Variants in RBFOX3 observed in about 807,000 individuals in gnomAD.
The protein encoded by RBFOX3 is RNA binding fox-1 homolog 3.
In RBFOX3, 17 loss-of-function variants were observed where a neutral mutation model predicts 48.7. The ratio of observed to expected loss-of-function variants is 0.35; its 90% CI spans 0.24 to 0.52. The LOEUF (loss-of-function observed/expected upper bound fraction) is 0.52, where lower values mean the gene tolerates loss of function less well. Ranked by LOEUF, RBFOX3 falls within the 20% of genes least tolerant of loss-of-function variation. The pLI, the probability that RBFOX3 is intolerant of heterozygous loss-of-function variation, is 0.94. For missense variants in RBFOX3, 382 were observed against 497.5 expected (o/e 0.77, Z 2.21); for synonymous variants, 212 against 209.5 (o/e 1.01, Z -0.10).
rs555418769 is a variant in RBFOX3 at position 79,115,904 on chromosome 17, G to A, written c.-33-156C>T. 3.9e-5 allele frequency among the ~76,000 whole-genome samples: 6 copies of A among 152,228 alleles called. No homozygotes were observed. In the East Asian group the frequency reaches 1.2e-3, roughly 30 times the overall value. On this transcript the variant is annotated intron_variant, in intron 4 of 14. Transcript: ENST00000693108. ...GGGGGGCTCGCCGGCATGGGCACCA[G>A]CTCAGAGCAGGAGGGGGTGCTGCGC... is the stretch of plus-strand genomic sequence containing the variant.
At chr17:79,462,276 G>A (rs554087371) in intron 2 of RBFOX3, among the ~76,000 whole-genome samples, 1 of 152,346 alleles carries the variant, frequency 6.6e-6, no homozygotes, top group South Asian at 2.1e-4. Context: ...GCCTGAGCCT[G>A]ACTCCCAGCT....
At chr17:79,163,490 A>T (rs527540637) in intron 4 of RBFOX3, among the ~76,000 whole-genome samples, 1 of 152,364 alleles carries the variant, frequency 6.6e-6, no homozygotes, top group South Asian at 2.1e-4. Context: ...TGGTTTGCAG[A>T]GATCCTGTCA....
At chr17:79,120,922 T>C (rs1404873838) in intron 4 of RBFOX3, among the ~76,000 whole-genome samples, 2 of 151,830 alleles carry the variant, frequency 1.3e-5, no homozygotes, top group Non-Finnish European at 2.9e-5. Context: ...CTGAGGCAGA[T>C]AAACACAAAA....
At chr17:79,658,770 G>T in the RBFOX3 span, among the ~76,000 whole-genome samples, 1 of 152,116 alleles carries the variant, frequency 6.6e-6, no homozygotes, top group African/African-American at 2.4e-5. Flanking sequence ...CCTACTGTGT[G>T]CCAGGCACGT....
chr17:79,138,944 C>CTCA lies in RBFOX3; in HGVS notation c.-33-23197_-33-23196insTGA, dbSNP rs2041235425. Among the ~76,000 whole-genome samples, 4 of 54,144 alleles carry CTCA rather than the reference C, an allele frequency of 7.4e-5. 1 individual carries two copies. The highest frequency in any genetic ancestry group is 2.5e-4 in the African/African-American group (4 of 16,246). 35.5% of individuals were successfully genotyped at this position (54,144 alleles called of 152,430 possible). A position where few individuals can be genotyped will look rare whatever the true frequency, so the allele number is the denominator to read the frequency against. ...CGCACACAGCACATGCATTCACACCCCCCTCAGCCCCACACATGCACACAG... is the reference window on the plus strand; with the variant it reads ...CGCACACAGCACATGCATTCACACCCTCACCCTCAGCCCCACACATGCACACAG... On this transcript the variant is annotated intron_variant, in intron 4 of 14. Coordinates refer to ENST00000693108, the MANE Select transcript of RBFOX3 (RefSeq NM_001350451.2).
chr17:79,113,256 A>T (rs2032708061), intron 5 of RBFOX3, among the ~76,000 whole-genome samples: 1 of 151,750 alleles, frequency 6.6e-6, no homozygotes, highest in Non-Finnish European at 1.5e-5. Context: ...AATCTAGAAC[A>T]CCCTCTCCAG....
chr17:79,465,049 C>T (rs889641150), intron 2 of RBFOX3, among the ~76,000 whole-genome samples: 4 of 152,212 alleles, frequency 2.6e-5, no homozygotes, highest in Admixed American at 6.5e-5. Context: ...CTCAGCCTTC[C>T]GAAGGCGAGG....
intron 2 of RBFOX3, among the ~76,000 whole-genome samples, chr17:79,367,100 C>T (rs72851310): frequency 0.096 from 14,571 of 152,096 alleles, 862 homozygotes; most frequent in Non-Finnish European, 0.13. Flanking sequence ...TGCCCTCGCT[C>T]CCACATGAGT....
rs1436055860 is a variant in RBFOX3 at position 79,115,548 on chromosome 17, C to T, written c.168G>A (p.Glu56=). 1 of 1,336,992 alleles carries T rather than the reference C, an allele frequency of 7.5e-7. No homozygotes were observed. The allele number at this position is 1,336,992 out of a possible 1,614,324, so 82.8% of individuals were successfully genotyped here. A position where few individuals can be genotyped will look rare whatever the true frequency, so the allele number is the denominator to read the frequency against. The change falls in exon 5 of 15, where the codon GAG becomes GAA. Residue 56 remains glutamate (E), a synonymous_variant. Transcript: ENST00000693108. ...TLYTPAQTHP[E]QPGSEASTQP... is the part of the protein sequence containing the mutation. ...GTGTGCTGGCCTCGGAGCCTGGCTG[C>T]TCGGGGTGGGTCTGTGCTGGTGTGT...
At chr17:79,097,625 A>C in intron 10 of RBFOX3, 67 bp downstream of exon 10, 2 of 1,212,882 alleles carry the variant, frequency 1.6e-6, no homozygotes, top group Non-Finnish European at 2.3e-6. Context: ...CCGCCCCCAG[A>C]GCCCCCGGAG....
At chr17:79,278,770 G>T (rs1015797282) in intron 3 of RBFOX3, among the ~76,000 whole-genome samples, 2 of 152,242 alleles carry the variant, frequency 1.3e-5, no homozygotes, top group African/African-American at 2.4e-5. Flanking sequence ...GTGGCCCATC[G>T]TCAGCTTAGT....
Position 79,103,039 on chromosome 17 carries a change from C to A in RBFOX3, c.507+123G>T, listed in dbSNP as rs770667396. ...GCCTTAGTGCGACCCTTCCTCCCACCCCAGGGAACCCTGGCCAGGCTCTCT... is the reference window on the plus strand; with the variant it reads ...GCCTTAGTGCGACCCTTCCTCCCACACCAGGGAACCCTGGCCAGGCTCTCT... On this transcript the variant is annotated intron_variant, in intron 8 of 14. Coordinates refer to ENST00000693108, the MANE Select transcript of RBFOX3 (RefSeq NM_001350451.2). This position sits in a 1 kb window ranked among gnomAD's most constrained non-coding sequence, Gnocchi z 6.1. 147 of 737,214 alleles carry A rather than the reference C, an allele frequency of 2.0e-4. 1 individual carries two copies. Among genetic ancestry groups the A allele is most frequent in the Non-Finnish European group, 2.9e-4 (126 of 434,378 alleles). The allele number at this position is 737,214 out of a possible 1,614,324, so 45.7% of individuals were successfully genotyped here.
At position 79,363,717 on chromosome 17, in the gene RBFOX3, C is replaced by G. The variant is rs1457491997; in HGVS notation, c.-174-55893G>C. On this transcript the variant is annotated intron_variant, in intron 2 of 14. Coordinates refer to ENST00000693108, the MANE Select transcript of RBFOX3 (RefSeq NM_001350451.2). This position sits in a 1 kb window ranked among gnomAD's most constrained non-coding sequence, Gnocchi z 4.7. ...AGGGACCTCCGACACGCCTCCAGAG[C>G]CCCCAACACCTCCAGAGCCCTCCAG... is the stretch of plus-strand genomic sequence containing the variant. Among the ~76,000 whole-genome samples, 1 of 151,836 alleles carries G rather than the reference C, an allele frequency of 6.6e-6. No individual in the cohort carries two copies. The highest frequency in any genetic ancestry group is 1.5e-5 in the Non-Finnish European group (1 of 67,996).
intron 4 of RBFOX3, among the ~76,000 whole-genome samples, chr17:79,129,841 T>C (rs2038352722): frequency 1.3e-5 from 2 of 152,202 alleles, no homozygotes; most frequent in Non-Finnish European, 2.9e-5. Context: ...CCAGAGCTTA[T>C]ATGACACCCC....
At chr17:79,122,143 C>T (rs1263495957) in intron 4 of RBFOX3, among the ~76,000 whole-genome samples, 1 of 152,084 alleles carries the variant, frequency 6.6e-6, no homozygotes, top group Admixed American at 6.5e-5. Context: ...CAGTAGCAAA[C>T]CCCACAAACA....
rs1448281088 is a variant in RBFOX3, at chr17:79,168,533, C to A, written c.-33-52785G>T. On this transcript the variant is annotated intron_variant, in intron 4 of 14. Transcript: ENST00000693108. ...CGCCCTATGTCCTGTGGCCCCCTGA[C>A]CCTGCCAGCCAGGAGGTGTCCTCAC... Among the ~76,000 whole-genome samples, 6 of 152,372 alleles carry A rather than the reference C, an allele frequency of 3.9e-5. No individual in the cohort carries two copies. The South Asian group carries it at 1.2e-3, about 32-fold the overall frequency.
At chr17:79,559,668 T>TGGGC (rs2092060586) in intron 1 of RBFOX3, among the ~76,000 whole-genome samples, 1 of 101,432 alleles carries the variant, frequency 9.9e-6, no homozygotes, top group African/African-American at 3.7e-5. Context: ...GATGGGTGGG[T>TGGGC]GGGTGGATGG....
chr17:79,245,629 ATTTT>A (rs10577875), intron 3 of RBFOX3, among the ~76,000 whole-genome samples: 9 of 130,284 alleles, frequency 6.9e-5, no homozygotes, highest in East Asian at 2.2e-4. Context: ...GAACATTTGG[ATTTT>A]TTTTTTTTTT....
At chr17:79,308,024 C>T (rs1016957607) in intron 2 of RBFOX3, among the ~76,000 whole-genome samples, 200 bp from the exon 3 acceptor site, 8 of 152,182 alleles carry the variant, frequency 5.3e-5, no homozygotes, top group Non-Finnish European at 1.0e-4. Context: ...TGTCCACCAC[C>T]TCATGGGTAG....
Sources: gnomAD v4.1 joint callset for allele counts (sites outside exome capture counted in the v4.1 genomes callset) on GRCh38, gnomAD v4.1.1 for gene constraint, Gnocchi (gnomAD v3.1) non-coding constraint, MANE v1.5 for transcripts, NCBI Gene and HGNC (gene_info 2026-07-23, HGNC 2026-07-21) for gene names.